The following RTN1 variants were observed in gnomAD, a reference collection of about 807,000 sequenced individuals.
RTN1 encodes the protein reticulon 1.
In RTN1, 25 loss-of-function variants were observed where a neutral mutation model predicts 65.5. That is an observed-to-expected ratio of 0.38 (90% CI 0.28 to 0.53). RTN1 has a LOEUF of 0.53. Among genes scored for constraint, RTN1 ranks in the 20% least tolerant of loss-of-function variants. The probability of loss-of-function intolerance (pLI) is 0.79; values close to 1 mark genes in which losing one functional copy is unlikely to be tolerated. For synonymous variants in RTN1, 471 were observed against 447.6 expected, an observed-to-expected ratio of 1.05 and a Z score of -0.66; for missense variants, 983 against 1,025.4, an observed-to-expected ratio of 0.96 and a Z score of 0.57.
intron 3 of RTN1, among the ~76,000 whole-genome samples, chr14:59,618,025 A>G (rs1296396853): frequency 6.6e-6 from 1 of 152,170 alleles, no homozygotes; most frequent in Non-Finnish European, 1.5e-5. Flanking sequence ...TATGACCGAG[A>G]CAGCGAAAGA....
chr14:59,664,234 G>A (rs1482288419), intron 3 of RTN1, among the ~76,000 whole-genome samples: 1 of 152,024 alleles, frequency 6.6e-6, no homozygotes, highest in Non-Finnish European at 1.5e-5. Flanking sequence ...ACCAAACACT[G>A]CATGTTCTCA....
rs1887889299 is a variant in RTN1 at position 59,870,734 on chromosome 14, G to GGAAGCTGCGGTGTCTCAGC, written c.-123_-105dup. ...GTCCCCGGAGGGACTCGGCGCTCAG[G>GGAAGCTGCGGTGTCTCAGC]GAAGCTGCGGTGTCTCAGCGTCGCC... On this transcript the variant is annotated 5_prime_UTR_variant, in exon 1 of 9. Coordinates refer to ENST00000267484, the MANE Select transcript of RTN1 (RefSeq NM_021136.3). This position sits in a 1 kb window ranked among gnomAD's most constrained non-coding sequence, Gnocchi z 5.1. 4.1e-6 allele frequency: 5 copies of GGAAGCTGCGGTGTCTCAGC among 1,215,712 alleles called. No individual in the cohort carries two copies. In the Admixed American group the frequency reaches 1.7e-4, roughly 42 times the overall value. The allele number at this position is 1,215,712 out of a possible 1,614,324, so 75.3% of individuals were successfully genotyped here. A position where few individuals can be genotyped will look rare whatever the true frequency, so the allele number is the denominator to read the frequency against.
intron 3 of RTN1, among the ~76,000 whole-genome samples, chr14:59,626,001 G>A (rs564195901): frequency 2.2e-4 from 34 of 152,206 alleles, no homozygotes; most frequent in Admixed American, 2.2e-3. Context: ...CAGGGAGTCT[G>A]CAATTGTTAA....
In RTN1 at chr14:59,792,359, T is replaced by TCACACACACACA. The variant is rs34220909; in HGVS notation, c.242-45890_242-45879dup. The stretch of plus-strand genomic sequence containing the variant: ...AGTCTGAGAGAAAAGAGAAAAGACT[T>TCACACACACACA]CACACACACACACACACACACACAC... On this transcript the variant is annotated intron_variant, in intron 1 of 8. Transcript: ENST00000267484. Among the ~76,000 whole-genome samples, 721 of 144,888 alleles carry TCACACACACACA rather than the reference T, an allele frequency of 5.0e-3. 1 individual carries two copies. Among genetic ancestry groups the TCACACACACACA allele is most frequent in the African/African-American group, 0.017 (658 of 39,376 alleles).
Position 59,829,243 on chromosome 14 carries a change from C to A in RTN1, c.241+41147G>T, listed in dbSNP as rs1887085233. Reference sequence around the variant, plus strand: ...TGTACTCTCTTAGGGAGCCTGTGATCTGGCAGATGAGCAATAAAAATATAC... The same window carrying A: ...TGTACTCTCTTAGGGAGCCTGTGATATGGCAGATGAGCAATAAAAATATAC... On this transcript the variant is annotated intron_variant, in intron 1 of 8. Coordinates refer to ENST00000267484, the MANE Select transcript of RTN1 (RefSeq NM_021136.3). This position sits in a 1 kb window ranked among gnomAD's most constrained non-coding sequence, Gnocchi z 4.3. Among the ~76,000 whole-genome samples the A allele has an allele frequency of 6.6e-6, 1 of 152,142 alleles. No homozygotes were observed. Among genetic ancestry groups the A allele is most frequent in the Admixed American group, 6.5e-5 (1 of 15,276 alleles).
intron 3 of RTN1, among the ~76,000 whole-genome samples, chr14:59,659,974 C>A (rs2208161): frequency 6.6e-6 from 1 of 150,998 alleles, no homozygotes; most frequent in Non-Finnish European, 1.5e-5. Flanking sequence ...AAACCCATCA[C>A]TGTGCTGTAT....
intron 1 of RTN1, among the ~76,000 whole-genome samples, chr14:59,853,603 C>A (rs1887548369): frequency 6.6e-6 from 1 of 152,152 alleles, no homozygotes. Flanking sequence ...CCAACCTTCC[C>A]ATCTTAAGGG....
At chr14:59,665,592 T>C (rs1883351244) in intron 3 of RTN1, among the ~76,000 whole-genome samples, 1 of 152,158 alleles carries the variant, frequency 6.6e-6, no homozygotes, top group South Asian at 2.1e-4. Context: ...CATATAACAA[T>C]ATTAACCTTA....
chr14:59,785,539 T>C (rs1480419208), intron 1 of RTN1, among the ~76,000 whole-genome samples: 1 of 152,218 alleles, frequency 6.6e-6, no homozygotes, highest in East Asian at 1.9e-4. Context: ...TTAAGCAAAT[T>C]AACATTTCTC....
chr14:59,722,689 TAAAG>T lies in RTN1; in HGVS notation c.1765+4226_1765+4229del, dbSNP rs370002940. Among the ~76,000 whole-genome samples the T allele has an allele frequency of 6.3e-3, 960 of 151,666 alleles. 6 individuals carry two copies. Among genetic ancestry groups the T allele is most frequent in the African/African-American group, 0.022 (913 of 41,336 alleles). On this transcript the variant is annotated intron_variant, in intron 3 of 8. Coordinates refer to ENST00000267484, the MANE Select transcript of RTN1 (RefSeq NM_021136.3). ...GAAAAACTATATATTCCTGAATACT[TAAAG>T]AAATTCTTGAAGAACAAGAACAACA...
chr14:59,724,292 T>C (rs887663193), intron 3 of RTN1, among the ~76,000 whole-genome samples: 1 of 152,214 alleles, frequency 6.6e-6, no homozygotes, highest in Non-Finnish European at 1.5e-5. Context: ...CCAGTTACCC[T>C]GGTGCTCCTC....
chr14:59,627,925 T>C (rs1594640320), intron 3 of RTN1, among the ~76,000 whole-genome samples: 1 of 152,270 alleles, frequency 6.6e-6, no homozygotes, highest in Non-Finnish European at 1.5e-5. Context: ...TCATCAACAG[T>C]GTTGCACTGA....
intron 2 of RTN1, among the ~76,000 whole-genome samples, chr14:59,732,448 C>T (rs1314714963): frequency 1.3e-5 from 2 of 152,148 alleles, no homozygotes; most frequent in Non-Finnish European, 2.9e-5. Flanking sequence ...AAACAACACA[C>T]GGAGAATGAA....
rs113914396 is a variant in RTN1, at chr14:59,843,869, T to C, written c.241+26521A>G. 2.8e-3 allele frequency among the ~76,000 whole-genome samples: 429 copies of C among 152,332 alleles called. 3 individuals are homozygous for C. The highest frequency in any genetic ancestry group is 1.0e-2 in the African/African-American group (415 of 41,584). Reference sequence around the variant, plus strand: ...AATTTAGTAAGCAACAATTGTAGCATGGTGCTTTTTTATAAACATTTTAAA... The same window carrying C: ...AATTTAGTAAGCAACAATTGTAGCACGGTGCTTTTTTATAAACATTTTAAA... On this transcript the variant is annotated intron_variant, in intron 1 of 8. Transcript: ENST00000267484.
chr14:59,828,473 A>T (rs1036823860), intron 1 of RTN1, among the ~76,000 whole-genome samples: 1 of 152,192 alleles, frequency 6.6e-6, no homozygotes, highest in Non-Finnish European at 1.5e-5. Context: ...TACAGAGGGA[A>T]GACTGGACAG....
At chr14:59,842,074 C>T (rs1057291987) in intron 1 of RTN1, among the ~76,000 whole-genome samples, 4 of 150,876 alleles carry the variant, frequency 2.7e-5, no homozygotes, top group African/African-American at 7.3e-5. Flanking sequence ...TGCAGTGAGC[C>T]GAGATCAGGC....
chr14:59,770,780 C>A (rs189044175), intron 1 of RTN1, among the ~76,000 whole-genome samples: 128 of 152,236 alleles, frequency 8.4e-4, no homozygotes, highest in African/African-American at 2.8e-3. Flanking sequence ...GTTGGCCGGG[C>A]GCAATGGCTC....
Position 59,727,101 on chromosome 14 carries a change from G to C in RTN1, c.1583C>G (p.Thr528Ser). The C allele has an allele frequency of 6.2e-7, 1 of 1,610,956 alleles. No homozygotes were observed. Among genetic ancestry groups the C allele is most frequent in the Non-Finnish European group, 8.5e-7 (1 of 1,178,602 alleles). ...CAGCTCGGGGCCAGGCTGGGGCTCA[G>C]TTGAGGGGTAGTCGAGGAAGGAACC... Reference protein sequence around the residue: ...EPGSFLDYPSTEPQPGPELPP... With the variant: ...EPGSFLDYPSSEPQPGPELPP... Residue 528 changes from threonine (T) to serine (S), a missense_variant, in exon 3 of 9, where the codon ACT becomes AGT. This residue lies in a region of RTN1 where 818 missense variants were observed against 801.8 expected (regional missense o/e 1.02). Transcript: ENST00000267484. This position sits in a 1 kb window ranked among gnomAD's most constrained non-coding sequence, Gnocchi z 4.2.
At chr14:59,845,506 T>A (rs1056962090) in intron 1 of RTN1, among the ~76,000 whole-genome samples, 1 of 152,152 alleles carries the variant, frequency 6.6e-6, no homozygotes, top group Non-Finnish European at 1.5e-5. Flanking sequence ...AATGTGGAAG[T>A]CTCCTTAACC....
Sources: allele counts gnomAD v4.1 joint callset (sites outside exome capture counted in the v4.1 genomes callset), GRCh38; gene constraint gnomAD v4.1.1; regional missense constraint gnomAD v4.1.1; non-coding constraint Gnocchi (gnomAD v3.1); transcripts MANE v1.5; gene names NCBI Gene and HGNC (gene_info 2026-07-23, HGNC 2026-07-21).